Variants in MRM3 observed in about 807,000 individuals in gnomAD.
MRM3 encodes the protein rRNA methyltransferase 3, mitochondrial.
Under a neutral mutation model 29.4 loss-of-function variants are expected in MRM3, and 26 were observed. The ratio of observed to expected loss-of-function variants is 0.89; its 90% CI spans 0.65 to 1.23. The LOEUF (loss-of-function observed/expected upper bound fraction) is 1.23. MRM3 is among the 50% of genes most tolerant of loss of function. MRM3 has a pLI of 0.00. For missense variants in MRM3, 578 were observed against 540.2 expected, an observed-to-expected ratio of 1.07 and a Z score of -0.69; for synonymous variants, 225 against 219.0, an observed-to-expected ratio of 1.03 and a Z score of -0.24.
rs1388194689 is a variant in MRM3, at chr17:787,698, G to A, written c.560-267G>A. On this transcript the variant is annotated intron_variant, in intron 2 of 3. Transcript: ENST00000304478. This position sits in a 1 kb window ranked among gnomAD's most constrained non-coding sequence, Gnocchi z 4.1. ...CAGGTAGCTGGGACTAGAGGCATGC[G>A]CCACCACGCCTGGCTAATCTTTGTG... 5.9e-5 allele frequency among the ~76,000 whole-genome samples: 9 copies of A among 152,266 alleles called. No individual in the cohort carries two copies. Among genetic ancestry groups the A allele is most frequent in the East Asian group, 3.9e-4 (2 of 5,186 alleles).
At chr17:785,668 A>G (rs1392280925) in intron 2 of MRM3, among the ~76,000 whole-genome samples, 1 of 152,234 alleles carries the variant, frequency 6.6e-6, no homozygotes, top group Non-Finnish European at 1.5e-5. Flanking sequence ...CGTTTTGCAG[A>G]GTATGTCCCT....
intron 2 of MRM3, among the ~76,000 whole-genome samples, chr17:785,380 A>G (rs1021485620): frequency 6.6e-6 from 1 of 151,342 alleles, no homozygotes; most frequent in Admixed American, 6.6e-5. Context: ...TTAGAGATTA[A>G]TAATGTAGAG....
rs1292503960 is a variant in MRM3, at chr17:782,647, C to T, written c.269C>T (p.Ser90Phe). ...ASRAPSTWEESGLRYDKAYPG... is the reference protein window; with the variant it reads ...ASRAPSTWEEFGLRYDKAYPG... ...CGCGCTCCCAGCACCTGGGAAGAGT[C>T]TGGGCTTCGCTACGATAAAGCTTAT... The change falls in exon 1 of 4, where the codon TCT becomes TTT. Residue 90 changes from serine (S) to phenylalanine (F), a missense_variant. Transcript: ENST00000304478. The T allele has an allele frequency of 2.5e-6, 4 of 1,612,964 alleles. No homozygotes were observed. The highest frequency in any genetic ancestry group is 3.4e-6 in the Non-Finnish European group (4 of 1,179,362).
At chr17:790,702 A>G (rs78843752) in intron 3 of MRM3, among the ~76,000 whole-genome samples, 6 of 100,362 alleles carry the variant, frequency 6.0e-5, no homozygotes, top group Non-Finnish European at 1.1e-4. Context: ...CTCCTGTGCC[A>G]CCACACCCCC....
Position 783,318 on chromosome 17 carries a change from G to A in MRM3, c.550G>A (p.Gly184Arg). The change falls in exon 2 of 4, where the codon GGA becomes AGA. Residue 184 changes from glycine (G) to arginine (R), a missense_variant. Physicochemically the swap from Gly to Arg is moderately radical, Grantham distance 125 (BLOSUM62 -2). Coordinates refer to ENST00000304478, the MANE Select transcript of MRM3 (RefSeq NM_018146.4). ...TTGGTCCGACCTCGTAACGCCACAA[G>A]GAATAATGGGTTAGTGATTACCCAG... ...KDWSDLVTPQGIMGIFAKPDH... is the reference protein window; with the variant it reads ...KDWSDLVTPQRIMGIFAKPDH... 2 of 1,610,246 alleles carry A rather than the reference G, an allele frequency of 1.2e-6. No homozygotes were observed. The highest frequency in any genetic ancestry group is 1.7e-4 in the Middle Eastern group (1 of 6,042).
Position 782,679 on chromosome 17 carries a change from G to A in MRM3, c.301G>A (p.Asp101Asn). ...TCGCTACGATAAAGCTTATCCCGGG[G>A]ACAGGAGGCTGAGGTGATGTGGTTC... ...GLRYDKAYPG[D>N]RRLSSVMTIV... Residue 101 changes from aspartate to asparagine, a missense_variant, in exon 1 of 4, where the codon GAC (aspartate) becomes AAC (asparagine). By Grantham distance (23) the Asp-to-Asn change is conservative. Transcript: ENST00000304478. 1 of 1,603,196 alleles carries A rather than the reference G, an allele frequency of 6.2e-7. No individual in the cohort carries two copies. The highest frequency in any genetic ancestry group is 8.5e-7 in the Non-Finnish European group (1 of 1,171,764).
chr17:784,979 T>A (rs915711323), intron 2 of MRM3, among the ~76,000 whole-genome samples: 13 of 152,224 alleles, frequency 8.5e-5, no homozygotes, highest in African/African-American at 2.9e-4. Context: ...GATTGTATCA[T>A]GTTTCAGTAC....
chr17:783,406 G>C (rs1466383470), intron 2 of MRM3, 79 bp downstream of exon 2: 2 of 1,390,352 alleles, frequency 1.4e-6, no homozygotes, highest in South Asian at 1.5e-5. Context: ...GCGCGATCTC[G>C]GCCCACTGCA....
Position 782,399 on chromosome 17 carries a change from C to T in MRM3, c.21C>T (p.Pro7=), listed in dbSNP as rs370738493. The change falls in exon 1 of 4, where the codon CCC becomes CCT. Residue 7 remains proline, a synonymous_variant. Transcript: ENST00000304478. MAALVR[P]ARFVVRPLLQ... ...GGAACATGGCGGCGCTGGTGAGACC[C>T]GCGAGGTTTGTCGTGCGACCGTTGC... 1.4e-5 allele frequency: 23 copies of T among 1,613,682 alleles called. No individual in the cohort carries two copies. The Admixed American group carries it at 2.5e-4, about 18-fold the overall frequency.
At chr17:788,882 A>G (rs527389335) in intron 3 of MRM3, among the ~76,000 whole-genome samples, 1 of 152,358 alleles carries the variant, frequency 6.6e-6, no homozygotes, top group South Asian at 2.1e-4. Context: ...TGGGAGGAAT[A>G]ACAGAATCTC....
chr17:791,769 A>G lies in MRM3; in HGVS notation c.963A>G (p.Glu321=). 2 of 1,614,182 alleles carry G rather than the reference A, an allele frequency of 1.2e-6. No individual in the cohort carries two copies. The highest frequency in any genetic ancestry group is 1.7e-6 in the Non-Finnish European group (2 of 1,180,026). Residue 321 remains glutamate, a synonymous_variant, in exon 4 of 4, where the codon GAA becomes GAG. Transcript: ENST00000304478. ...TGATGAAGTTTCACAAGTATGAGGA[A>G]GAGGAAGATGTAGAAACCGGAGCCA... is the stretch of plus-strand genomic sequence containing the variant. ...QRVMKFHKYE[E]EEDVETGASQ...
At chr17:790,496 A>G (rs1910741220) in intron 3 of MRM3, 1 of 181,766 alleles carries the variant, frequency 5.5e-6, no homozygotes, top group Non-Finnish European at 1.2e-5. Context: ...CTGTGCCACT[A>G]CAGCCCCAGC....
intron 2 of MRM3, among the ~76,000 whole-genome samples, chr17:786,441 T>C (rs927397019): frequency 9.2e-5 from 14 of 152,120 alleles, no homozygotes; most frequent in African/African-American, 3.4e-4. Context: ...GCCCGGCTAA[T>C]TTTTTTGTTA....
At position 791,950 on chromosome 17, in the gene MRM3, G is replaced by A. The variant is rs770057184; in HGVS notation, c.1144G>A (p.Val382Ile). 1.2e-6 allele frequency: 2 copies of A among 1,614,038 alleles called. No homozygotes were observed. Among genetic ancestry groups the A allele is most frequent in the South Asian group, 1.1e-5 (1 of 91,086 alleles). Residue 382 changes from valine to isoleucine, a missense_variant, in exon 4 of 4, where the codon GTT becomes ATT. Transcript: ENST00000304478. Reference sequence around the variant, plus strand: ...TGGTGGCAAGAGGCTGCTGATCCCCGTTGTGCCTGGTGTGGACAGCCTCAA... The same window carrying A: ...TGGTGGCAAGAGGCTGCTGATCCCCATTGTGCCTGGTGTGGACAGCCTCAA... ...STGGKRLLIPVVPGVDSLNSA... is the reference protein window; with the variant it reads ...STGGKRLLIPIVPGVDSLNSA...
chr17:790,593 C>G (rs543188484), intron 3 of MRM3: 29 of 96,228 alleles, frequency 3.0e-4, no homozygotes, highest in Admixed American at 1.4e-3. Context: ...AGCGCCACCG[C>G]TGATTGGCCG....
At chr17:783,400 G>A (rs1311228857) in intron 2 of MRM3, 73 bp downstream of exon 2, 3 of 1,438,130 alleles carry the variant, frequency 2.1e-6, no homozygotes, top group East Asian at 2.5e-5. Context: ...GCAATGGCGC[G>A]ATCTCGGCCC....
chr17:786,381 C>T (rs1000969347), intron 2 of MRM3, among the ~76,000 whole-genome samples: 6 of 152,270 alleles, frequency 3.9e-5, no homozygotes, highest in Admixed American at 2.0e-4. Flanking sequence ...TCACACCATT[C>T]TCCTGCCTCA....
At chr17:784,496 T>G (rs1379203190) in intron 2 of MRM3, among the ~76,000 whole-genome samples, 7 of 151,570 alleles carry the variant, frequency 4.6e-5, no homozygotes, top group African/African-American at 1.7e-4. Context: ...CATCTTGAAC[T>G]TGTGCTTGTC....
In MRM3 at chr17:792,357, A is replaced by C; in HGVS notation, c.*288A>C. 2 of 323,188 alleles carry C rather than the reference A, an allele frequency of 6.2e-6. No individual in the cohort carries two copies. The highest frequency in any genetic ancestry group is 5.7e-6 in the Non-Finnish European group (1 of 175,418). 20.0% of individuals were successfully genotyped at this position (323,188 alleles called of 1,614,324 possible). ...CACCAAGAAGCACTTTGTGCCCAGA[A>C]AGTTCCTGAAGCATCATCCTGGCAG... On this transcript the variant is annotated 3_prime_UTR_variant, in exon 4 of 4. Transcript: ENST00000304478.
Sources: allele counts gnomAD v4.1 joint callset (sites outside exome capture counted in the v4.1 genomes callset), GRCh38; gene constraint gnomAD v4.1.1; non-coding constraint Gnocchi (gnomAD v3.1); transcripts MANE v1.5; gene names NCBI Gene and HGNC (gene_info 2026-07-23, HGNC 2026-07-21).